TENM4: variants seen among roughly 807,000 people sequenced by gnomAD.
TENM4 encodes the protein teneurin-4.
Under a neutral mutation model 243.3 loss-of-function variants are expected in TENM4, and 82 were observed. The observed-to-expected ratio is 0.34, with a 90% confidence interval of 0.28 to 0.40. TENM4 has a LOEUF of 0.40. Ranked by LOEUF, TENM4 falls within the 10% of genes least tolerant of loss-of-function variation. The probability of loss-of-function intolerance (pLI) is 1.00; values close to 1 mark genes in which losing one functional copy is unlikely to be tolerated. For missense variants in TENM4, 3,138 were observed against 3,673.3 expected (o/e 0.85, Z 3.77); for synonymous variants, 1,412 against 1,456.3 (o/e 0.97, Z 0.69).
chr11:78,705,718 A>G (rs945585287), intron 27 of TENM4, among the ~76,000 whole-genome samples: 11 of 152,220 alleles, frequency 7.2e-5, no homozygotes, highest in African/African-American at 2.7e-4. Context: ...CGAAGGAAGG[A>G]AGGACCAGCA....
intron 1 of TENM4, among the ~76,000 whole-genome samples, chr11:79,315,661 T>A (rs931498811): frequency 2.6e-4 from 40 of 152,206 alleles, no homozygotes; most frequent in Non-Finnish European, 2.9e-5. Context: ...AGAATCAGAA[T>A]CTGCCACTTG....
intron 6 of TENM4, among the ~76,000 whole-genome samples, chr11:79,002,649 T>C (rs764826774): frequency 1.3e-5 from 2 of 152,014 alleles, no homozygotes; most frequent in Non-Finnish European, 2.9e-5. Context: ...AAAAAACCCA[T>C]TGGAAGGATA....
At chr11:79,045,973 A>G (rs931652152) in intron 6 of TENM4, among the ~76,000 whole-genome samples, 1 of 152,188 alleles carries the variant, frequency 6.6e-6, no homozygotes, top group African/African-American at 2.4e-5. Context: ...CTGCACTGAC[A>G]TTGTCACACA....
At chr11:79,320,409 T>C (rs1007151588) in intron 1 of TENM4, among the ~76,000 whole-genome samples, 17 of 152,182 alleles carry the variant, frequency 1.1e-4, no homozygotes, top group African/African-American at 4.1e-4. Context: ...TTAAAATCAA[T>C]CAAAATAGCA....
intron 2 of TENM4, among the ~76,000 whole-genome samples, chr11:79,276,904 C>T (rs1856066289): frequency 6.6e-6 from 1 of 152,116 alleles, no homozygotes; most frequent in African/African-American, 2.4e-5. Context: ...AACCCCTTCC[C>T]CCATCCCCCC....
chr11:79,374,240 T>G (rs1017752525), intron 1 of TENM4, among the ~76,000 whole-genome samples: 29 of 152,146 alleles, frequency 1.9e-4, no homozygotes, highest in African/African-American at 7.0e-4. Flanking sequence ...CACATGGCTA[T>G]TAATACATAA....
At chr11:79,240,920 G>A (rs1313886523) in intron 2 of TENM4, among the ~76,000 whole-genome samples, 1 of 151,894 alleles carries the variant, frequency 6.6e-6, no homozygotes, top group Non-Finnish European at 1.5e-5. Context: ...ACCTTGTATT[G>A]GTGCAATTTT....
chr11:78,972,199 T>C (rs1277405591), intron 6 of TENM4, among the ~76,000 whole-genome samples: 1 of 152,206 alleles, frequency 6.6e-6, no homozygotes, highest in South Asian at 2.1e-4. Context: ...AGTTTCTTCC[T>C]TGGGTCCCTA....
chr11:79,361,890 C>A (rs1015983299), intron 1 of TENM4, among the ~76,000 whole-genome samples: 5 of 152,078 alleles, frequency 3.3e-5, no homozygotes, highest in African/African-American at 9.7e-5. Flanking sequence ...TGGTTAGTCA[C>A]GTAGCAGAAT....
chr11:78,826,076 CTTTTTTTT>C lies in TENM4; in HGVS notation c.1682-11689_1682-11682del, dbSNP rs59565048. Among the ~76,000 whole-genome samples, 846 of 115,384 alleles carry C rather than the reference CTTTTTTTT, an allele frequency of 7.3e-3. 17 individuals carry two copies. The highest frequency in any genetic ancestry group is 0.03 in the African/African-American group (792 of 26,504). The allele number at this position is 115,384 out of a possible 152,430, so 75.7% of individuals were successfully genotyped here. A position where few individuals can be genotyped will look rare whatever the true frequency, so the allele number is the denominator to read the frequency against. ...CCAAATAGAAAACCAAATCCCCCTC[CTTTTTTTT>C]TTTTTTTTTTTTTTTTTTTTGAGAC... is the stretch of plus-strand genomic sequence containing the variant. On this transcript the variant is annotated intron_variant, in intron 12 of 33. Transcript: ENST00000278550.
intron 1 of TENM4, among the ~76,000 whole-genome samples, chr11:79,409,751 C>G (rs1858658805): frequency 6.6e-6 from 1 of 152,196 alleles, no homozygotes; most frequent in African/African-American, 2.4e-5. Flanking sequence ...ACATATTTCT[C>G]TGCTTTGGGA....
intron 6 of TENM4, among the ~76,000 whole-genome samples, chr11:79,017,544 G>A (rs1281474478): frequency 6.6e-6 from 1 of 152,154 alleles, no homozygotes; most frequent in Non-Finnish European, 1.5e-5. Flanking sequence ...AAAACAAAAA[G>A]TGGTTATCTA....
At chr11:79,278,846 A>C (rs1856105646) in intron 2 of TENM4, among the ~76,000 whole-genome samples, 1 of 152,142 alleles carries the variant, frequency 6.6e-6, no homozygotes, top group Non-Finnish European at 1.5e-5. Context: ...TCAGGAAATC[A>C]CAAACAACAG....
At chr11:79,238,162 T>C (rs1467251698) in intron 2 of TENM4, among the ~76,000 whole-genome samples, 1 of 152,196 alleles carries the variant, frequency 6.6e-6, no homozygotes, top group East Asian at 1.9e-4. Context: ...CTGAATTGTA[T>C]TTCTCTATTT....
intron 15 of TENM4, among the ~76,000 whole-genome samples, chr11:78,803,555 G>A (rs1857327171): frequency 6.6e-6 from 1 of 152,308 alleles, no homozygotes; most frequent in South Asian, 2.1e-4. Context: ...GGACAGATAC[G>A]TGTTTGACAC....
At chr11:78,863,228 A>C in intron 9 of TENM4, 96 bp from the exon 10 acceptor site, 7 of 1,340,640 alleles carry the variant, frequency 5.2e-6, no homozygotes, top group Non-Finnish European at 7.0e-6. Context: ...GGGGGAACAC[A>C]GGCATTCAGT....
At chr11:78,930,814 G>A (rs575557217) in intron 6 of TENM4, among the ~76,000 whole-genome samples, 1 of 152,316 alleles carries the variant, frequency 6.6e-6, no homozygotes, top group South Asian at 2.1e-4. Flanking sequence ...TCTTCTGACT[G>A]TGGCAATGAT....
At chr11:78,957,829 G>T (rs1021765649) in intron 6 of TENM4, among the ~76,000 whole-genome samples, 1 of 152,160 alleles carries the variant, frequency 6.6e-6, no homozygotes, top group African/African-American at 2.4e-5. Flanking sequence ...GCTTCGTAAA[G>T]GTTTGTGAGG....
At chr11:78,915,481 G>A (rs938089643) in intron 6 of TENM4, among the ~76,000 whole-genome samples, 2 of 152,192 alleles carry the variant, frequency 1.3e-5, no homozygotes, top group Non-Finnish European at 2.9e-5. Context: ...CCTAGGAACT[G>A]TCACTGATTC....
Sources: gnomAD v4.1 joint callset for allele counts (sites outside exome capture counted in the v4.1 genomes callset) on GRCh38, gnomAD v4.1.1 for gene constraint, MANE v1.5 for transcripts, NCBI Gene and HGNC (gene_info 2026-07-23, HGNC 2026-07-21) for gene names.